The following GON4L variants were observed in gnomAD, a reference collection of about 807,000 sequenced individuals.
GON4L encodes GON-4-like protein.
In GON4L, 87 loss-of-function variants were observed where a neutral mutation model predicts 211.8. That is an observed-to-expected ratio of 0.41 (90% confidence interval 0.35 to 0.49). GON4L has a LOEUF of 0.49. Among genes scored for constraint, GON4L ranks in the 20% least tolerant of loss-of-function variants. The pLI is 0.15. For synonymous variants in GON4L, 875 were observed against 962.6 expected (o/e 0.91, Z 1.68); for missense variants, 2,155 against 2,659.5 (o/e 0.81, Z 4.17).
chr1:155,751,707 G>A (rs1309206295), intron 31 of GON4L, 60 bp downstream of exon 31: 2 of 1,121,862 alleles, frequency 1.8e-6, no homozygotes, highest in Non-Finnish European at 2.7e-6. Flanking sequence ...TGGCCTTTCT[G>A]TCTGTTAGTT....
intron 2 of GON4L, among the ~76,000 whole-genome samples, chr1:155,841,027 C>T (rs907482789): frequency 1.4e-4 from 21 of 152,070 alleles, no homozygotes; most frequent in African/African-American, 4.6e-4. Flanking sequence ...AAGAGTGAAA[C>T]TCAGTCTCAA....
chr1:155,759,982 TG>T (rs1661614146), intron 24 of GON4L, among the ~76,000 whole-genome samples: 14 of 143,310 alleles, frequency 9.8e-5, no homozygotes, highest in African/African-American at 1.8e-4. Context: ...TATATATATA[TG>T]ATATATATAT....
chr1:155,772,327 A>T (rs1259224169), intron 18 of GON4L, among the ~76,000 whole-genome samples: 1 of 152,186 alleles, frequency 6.6e-6, no homozygotes, highest in Non-Finnish European at 1.5e-5. Context: ...AAACTAATAC[A>T]AAATGAATAG....
At chr1:155,843,739 G>A (rs1184212091) in intron 2 of GON4L, among the ~76,000 whole-genome samples, 1 of 152,112 alleles carries the variant, frequency 6.6e-6, no homozygotes, top group East Asian at 1.9e-4. Context: ...GCTTAATTTG[G>A]GAAGATGGAG....
In GON4L at chr1:155,762,249, C is replaced by G; in HGVS notation, c.4852G>C (p.Glu1618Gln). ...LLLLYDEDIL[E>Q]RDPLREQKDL... is the part of the protein sequence containing the mutation. ...TTCTGCTCCCTGAGTGGATCTCGCT[C>G]GAGAATGTCCTCATCATACAGCAAC... The change falls in exon 23 of 32, where the codon GAG becomes CAG. Residue 1618 changes from glutamate (E) to glutamine (Q), a missense_variant. By Grantham distance (29) the Glu-to-Gln change is conservative. Around this residue, in one of 6 missense-constraint regions of GON4L, gnomAD observed 455 missense variants for 504.6 expected, o/e 0.90. Coordinates refer to ENST00000368331, the MANE Select transcript of GON4L (RefSeq NM_001282860.2). 6.2e-7 allele frequency: 1 copy of G among 1,612,032 alleles called. No homozygotes were observed. Among genetic ancestry groups the G allele is most frequent in the Non-Finnish European group, 8.5e-7 (1 of 1,179,154 alleles).
intron 2 of GON4L, among the ~76,000 whole-genome samples, chr1:155,850,320 A>G (rs72706180): frequency 0.017 from 2,645 of 152,318 alleles, 39 homozygotes; most frequent in Middle Eastern, 0.031. Flanking sequence ...CAGTGAAACA[A>G]TATATAATAC....
At chr1:155,754,799 G>T (rs916551352) in intron 27 of GON4L, among the ~76,000 whole-genome samples, 1 of 151,368 alleles carries the variant, frequency 6.6e-6, no homozygotes, top group Non-Finnish European at 1.5e-5. Flanking sequence ...AAAGTGCTAG[G>T]ATTACAGGCA....
chr1:155,834,578 G>A (rs1670116384), intron 2 of GON4L, among the ~76,000 whole-genome samples: 1 of 152,058 alleles, frequency 6.6e-6, no homozygotes, highest in Non-Finnish European at 1.5e-5. Flanking sequence ...GAAAGACCCC[G>A]CTGAACAAAA....
chr1:155,773,419 G>C, intron 17 of GON4L: 1 of 586,156 alleles, frequency 1.7e-6, no homozygotes, highest in African/African-American at 1.9e-5. Context: ...AATAAAAGTT[G>C]ACTCATTCTT....
chr1:155,758,751 T>C (rs561258093), intron 24 of GON4L, among the ~76,000 whole-genome samples: 4 of 152,226 alleles, frequency 2.6e-5, no homozygotes, highest in African/African-American at 9.6e-5. Flanking sequence ...CGGTCATGCA[T>C]GCCTGTAATC....
intron 29 of GON4L, among the ~76,000 whole-genome samples, chr1:155,752,933 G>T (rs575070743): frequency 2.4e-4 from 36 of 152,304 alleles, no homozygotes; most frequent in South Asian, 2.1e-4. Flanking sequence ...GATTACACTA[G>T]ATTTGGAGAC....
chr1:155,855,605 T>C (rs1672200252), intron 1 of GON4L, among the ~76,000 whole-genome samples: 3 of 152,168 alleles, frequency 2.0e-5, no homozygotes, highest in Admixed American at 1.3e-4. Flanking sequence ...AGATACTCAA[T>C]GAATGCTCCC....
At chr1:155,795,355 T>C (rs1307910758) in intron 11 of GON4L, among the ~76,000 whole-genome samples, 1 of 152,064 alleles carries the variant, frequency 6.6e-6, no homozygotes, top group East Asian at 1.9e-4. Context: ...GCCTCCTGAG[T>C]AGCTGGGACC....
At chr1:155,778,296 G>C (rs1227595497) in intron 14 of GON4L, among the ~76,000 whole-genome samples, 1 of 151,966 alleles carries the variant, frequency 6.6e-6, no homozygotes, top group Non-Finnish European at 1.5e-5. Flanking sequence ...CTGTCGCCCA[G>C]GCTGGAGTGC....
chr1:155,767,923 G>A (rs1662706597), intron 19 of GON4L, among the ~76,000 whole-genome samples: 1 of 152,070 alleles, frequency 6.6e-6, no homozygotes, highest in African/African-American at 2.4e-5. Flanking sequence ...CTATACCTTG[G>A]ACACATGAAA....
At chr1:155,794,781 T>C (rs1407873556) in intron 12 of GON4L, among the ~76,000 whole-genome samples, 1 of 152,186 alleles carries the variant, frequency 6.6e-6, no homozygotes, top group African/African-American at 2.4e-5. Context: ...GCTGAACTCC[T>C]ACAGCACAGA....
intron 8 of GON4L, among the ~76,000 whole-genome samples, chr1:155,814,794 T>C (rs1283973644): frequency 2.6e-5 from 4 of 151,384 alleles, no homozygotes; most frequent in African/African-American, 4.9e-5. Context: ...CTAGTTACAG[T>C]AACAGAAAAT....
intron 21 of GON4L, chr1:155,764,766 T>C: frequency 8.3e-7 from 1 of 1,208,798 alleles, no homozygotes; most frequent in Non-Finnish European, 1.2e-6. Context: ...GCATTTAAAG[T>C]ATGGTCAGGT....
rs1039466920 is a variant in GON4L, at chr1:155,772,963, C to T, written c.2495+103G>A. 2.7e-5 allele frequency: 39 copies of T among 1,446,358 alleles called. No individual in the cohort carries two copies. In the African/African-American group the frequency reaches 3.9e-4, roughly 15 times the overall value. 89.6% of individuals were successfully genotyped at this position (1,446,358 alleles called of 1,614,324 possible). A position where few individuals can be genotyped will look rare whatever the true frequency, so the allele number is the denominator to read the frequency against. ...TGCTTTTCCTTTTGTCTTTTGTGTC[C>T]GTGTCTTATTATACAAGTCTTACTT... is the stretch of plus-strand genomic sequence containing the variant. On this transcript the variant is annotated intron_variant, in intron 18 of 31. Coordinates refer to ENST00000368331, the MANE Select transcript of GON4L (RefSeq NM_001282860.2).
Sources: allele counts gnomAD v4.1 joint callset (sites outside exome capture counted in the v4.1 genomes callset), GRCh38; gene constraint gnomAD v4.1.1; regional missense constraint gnomAD v4.1.1; transcripts MANE v1.5; gene names NCBI Gene and HGNC (gene_info 2026-07-23, HGNC 2026-07-21).